DIAPH2: variants seen among roughly 807,000 people sequenced by gnomAD.
DIAPH2 encodes diaphanous related formin 2, also known as protein diaphanous homolog 2.
DIAPH2 carries 35 observed loss-of-function variants against 92.7 expected under a neutral mutation model. The ratio of observed to expected loss-of-function variants is 0.38; its 90% CI spans 0.29 to 0.50. DIAPH2 has a LOEUF of 0.50. Among genes scored for constraint, DIAPH2 ranks in the 20% least tolerant of loss-of-function variants. DIAPH2 has a pLI of 0.94. For synonymous variants in DIAPH2, 301 were observed against 280.4 expected (o/e 1.07, Z -0.73); for missense variants, 701 against 819.5 (o/e 0.86, Z 1.77).
chrX:96,970,251 T>TA (rs1233534370), intron 17 of DIAPH2, among the ~76,000 whole-genome samples: 2 of 111,744 alleles, frequency 1.8e-5, no homozygotes, highest in Non-Finnish European at 3.8e-5. Context: ...GAGGAGTCCC[T>TA]ACTCTTCAAT....
intron 24 of DIAPH2, among the ~76,000 whole-genome samples, chrX:97,355,456 C>G (rs2069257011): frequency 9.2e-6 from 1 of 108,384 alleles, no homozygotes; most frequent in African/African-American, 3.4e-5. Context: ...ATGTGAGAAA[C>G]CAAATATATT....
intron 17 of DIAPH2, among the ~76,000 whole-genome samples, chrX:97,006,984 T>G (rs1248735122): frequency 3.6e-5 from 4 of 111,791 alleles, no homozygotes; most frequent in African/African-American, 1.3e-4. Flanking sequence ...AAATAATATC[T>G]TATAACTCAT....
chrX:97,587,837 A>G (rs1392279478), intron 26 of DIAPH2, among the ~76,000 whole-genome samples: 1 of 111,857 alleles, frequency 8.9e-6, no homozygotes, highest in East Asian at 2.8e-4. Flanking sequence ...TTATTGTTTC[A>G]TTACTAAAGT....
intron 23 of DIAPH2, among the ~76,000 whole-genome samples, chrX:97,296,039 C>T (rs2068640664): frequency 9.0e-6 from 1 of 111,324 alleles, no homozygotes; most frequent in Non-Finnish European, 1.9e-5. Context: ...GCCATATTTT[C>T]TTCTTTTACA....
chrX:97,403,240 C>T (rs1569386759), intron 25 of DIAPH2, among the ~76,000 whole-genome samples: 1 of 112,340 alleles, frequency 8.9e-6, no homozygotes. Context: ...CAAAAAGCCA[C>T]TTCTACAAAA....
intron 17 of DIAPH2, among the ~76,000 whole-genome samples, chrX:97,030,332 G>T (rs2147877946): frequency 9.0e-6 from 1 of 111,254 alleles, no homozygotes; most frequent in African/African-American, 3.3e-5. Flanking sequence ...GTACTGGAGA[G>T]AACAGTAAAA....
At chrX:96,781,445 T>G (rs1282445036) in intron 4 of DIAPH2, among the ~76,000 whole-genome samples, 7 of 111,745 alleles carry the variant, frequency 6.3e-5, no homozygotes, top group Non-Finnish European at 1.3e-4. Context: ...CATTTCCCTT[T>G]TAATAGAGGG....
intron 4 of DIAPH2, among the ~76,000 whole-genome samples, chrX:96,771,063 T>C (rs1042984584): frequency 8.9e-6 from 1 of 111,895 alleles, no homozygotes; most frequent in Non-Finnish European, 1.9e-5. Flanking sequence ...ATAAATTGCA[T>C]TATTTCATCA....
At chrX:97,421,705 T>C (rs759686346) in intron 25 of DIAPH2, among the ~76,000 whole-genome samples, 2 of 112,209 alleles carry the variant, frequency 1.8e-5, no homozygotes, top group African/African-American at 6.5e-5. Flanking sequence ...TCTCCCAATC[T>C]GGTCCACTTT....
chrX:97,509,547 G>A (rs1436292715), intron 26 of DIAPH2, among the ~76,000 whole-genome samples: 2 of 83,211 alleles, frequency 2.4e-5, no homozygotes, highest in Non-Finnish European at 4.3e-5. Context: ...TAGGGTACAT[G>A]TGCACATTGT....
intron 23 of DIAPH2, among the ~76,000 whole-genome samples, chrX:97,260,351 G>A (rs929829260): frequency 1.8e-5 from 2 of 112,458 alleles, no homozygotes; most frequent in Admixed American, 1.9e-4. Flanking sequence ...ATAAGGAAGA[G>A]ATTTATAATG....
At chrX:97,266,260 G>A (rs1247684922) in intron 23 of DIAPH2, among the ~76,000 whole-genome samples, 1 of 112,147 alleles carries the variant, frequency 8.9e-6, no homozygotes, top group Non-Finnish European at 1.9e-5. Context: ...TATAAATAAT[G>A]TATTCTTTTG....
At position 97,314,467 on chromosome X, in the gene DIAPH2, T is replaced by C. The variant is rs141595084; in HGVS notation, c.2845-33649T>C. ...CAGTTCATCACAGTAAAAAATAATATTGTGGAAAATCTATAGTGTTGAGTT... is the reference window on the plus strand; with the variant it reads ...CAGTTCATCACAGTAAAAAATAATACTGTGGAAAATCTATAGTGTTGAGTT... On this transcript the variant is annotated intron_variant, in intron 23 of 26. Coordinates refer to ENST00000324765, the MANE Select transcript of DIAPH2 (RefSeq NM_006729.5). Among the ~76,000 whole-genome samples, 471 of 111,017 alleles carry C rather than the reference T, an allele frequency of 4.2e-3. 3 individuals carry two copies. The highest frequency in any genetic ancestry group is 0.013 in the African/African-American group (409 of 30,573).
chrX:96,739,500 A>T (rs1172442109), intron 3 of DIAPH2, among the ~76,000 whole-genome samples: 1 of 111,459 alleles, frequency 9.0e-6, no homozygotes, highest in Non-Finnish European at 1.9e-5. Flanking sequence ...AGGAGTTTCA[A>T]AGGTCGCCTT....
At chrX:97,546,811 C>T (rs2071184570) in intron 26 of DIAPH2, among the ~76,000 whole-genome samples, 1 of 109,031 alleles carries the variant, frequency 9.2e-6, no homozygotes, top group East Asian at 2.9e-4. Context: ...CCTCCAGCCT[C>T]GGCGACAGAG....
chrX:97,587,549 T>C (rs1416911969), intron 26 of DIAPH2, among the ~76,000 whole-genome samples: 1 of 111,974 alleles, frequency 8.9e-6, no homozygotes, highest in East Asian at 2.8e-4. Context: ...TGAAATAGAG[T>C]TAGAACCTTG....
At chrX:97,375,146 C>T (rs1414997737) in intron 24 of DIAPH2, among the ~76,000 whole-genome samples, 1 of 111,645 alleles carries the variant, frequency 9.0e-6, no homozygotes, top group Non-Finnish European at 1.9e-5. Flanking sequence ...TGGTTCCAGG[C>T]AAGTGCAACA....
chrX:97,567,025 A>G (rs1451205431), intron 26 of DIAPH2, among the ~76,000 whole-genome samples: 2 of 112,011 alleles, frequency 1.8e-5, no homozygotes, highest in African/African-American at 3.2e-5. Context: ...TTTGAAAAGA[A>G]TACAATGAAA....
At chrX:96,832,659 A>T (rs2064862708) in intron 4 of DIAPH2, among the ~76,000 whole-genome samples, 1 of 111,325 alleles carries the variant, frequency 9.0e-6, no homozygotes, top group Non-Finnish European at 1.9e-5. Flanking sequence ...CATATTAAGG[A>T]TAATATATTT....
Sources: allele counts gnomAD v4.1 joint callset (sites outside exome capture counted in the v4.1 genomes callset), GRCh38; gene constraint gnomAD v4.1.1; transcripts MANE v1.5; gene names NCBI Gene and HGNC (gene_info 2026-07-23, HGNC 2026-07-21).